Variants in POLK observed in about 807,000 individuals in gnomAD.
POLK encodes the protein DNA polymerase kappa.
POLK carries 76 observed loss-of-function variants against 94.0 expected under a neutral mutation model. That is an observed-to-expected ratio of 0.81 (90% confidence interval 0.67 to 0.98). The LOEUF (loss-of-function observed/expected upper bound fraction) is 0.98. Among genes scored for constraint, POLK ranks in the 50% least tolerant of loss-of-function variants. The pLI is 0.00. For missense variants in POLK, 954 were observed against 1,010.1 expected (o/e 0.94, Z 0.75); for synonymous variants, 349 against 325.4 (o/e 1.07, Z -0.78).
intron 13 of POLK, 34 bp from the exon 14 acceptor site, chr5:75,597,713 A>G (rs1773166418): frequency 4.8e-6 from 6 of 1,250,330 alleles, no homozygotes; most frequent in Non-Finnish European, 6.6e-6. Context: ...CATATTATTC[A>G]TTATGGAATT....
chr5:75,522,269 A>G (rs1006116504), intron 1 of POLK, among the ~76,000 whole-genome samples: 1 of 152,122 alleles, frequency 6.6e-6, no homozygotes, highest in South Asian at 2.1e-4. Context: ...GGTTGTGGGG[A>G]GGGGTGTCAT....
At chr5:75,567,668 CT>C (rs1484973389) in intron 3 of POLK, among the ~76,000 whole-genome samples, 1 of 152,182 alleles carries the variant, frequency 6.6e-6, no homozygotes, top group Non-Finnish European at 1.5e-5. Context: ...AATTTAGTAT[CT>C]AATACAGTAA....
upstream of POLK, chr5:75,511,723 A>T: frequency 6.5e-7 from 1 of 1,544,758 alleles, no homozygotes; most frequent in South Asian, 1.2e-5. Flanking sequence ...CTGACGCGAC[A>T]CGCCGAGCCT....
At chr5:75,575,041 C>A (rs901732638) in intron 5 of POLK, among the ~76,000 whole-genome samples, 6 of 152,196 alleles carry the variant, frequency 3.9e-5, no homozygotes, top group African/African-American at 1.4e-4. Context: ...AGTCAGAGAA[C>A]TCTTCAAATT....
intron 1 of POLK, among the ~76,000 whole-genome samples, chr5:75,531,003 T>C (rs1263897953): frequency 4.6e-5 from 7 of 151,714 alleles, no homozygotes; most frequent in African/African-American, 1.5e-4. Context: ...GAGACGGAGT[T>C]TCACCGTGTT....
chr5:75,555,907 A>G (rs919822742), intron 3 of POLK, among the ~76,000 whole-genome samples: 1 of 152,160 alleles, frequency 6.6e-6, no homozygotes, highest in African/African-American at 2.4e-5. Context: ...CCATTTACCT[A>G]CTAAAGTTTA....
At chr5:75,545,212 C>A (rs1297881362) in intron 1 of POLK, among the ~76,000 whole-genome samples, 1 of 152,098 alleles carries the variant, frequency 6.6e-6, no homozygotes, top group Non-Finnish European at 1.5e-5. Context: ...TTGCTGGTGC[C>A]AAAAACAGAA....
intron 6 of POLK, chr5:75,580,704 A>C: frequency 5.8e-6 from 1 of 171,638 alleles, no homozygotes; most frequent in Non-Finnish European, 1.2e-5. Context: ...AGATTATTTT[A>C]ACATCTAAAA....
chr5:75,545,097 G>A (rs184614676), intron 1 of POLK, among the ~76,000 whole-genome samples: 1 of 152,298 alleles, frequency 6.6e-6, no homozygotes, highest in Admixed American at 6.5e-5. Context: ...TGGGCCTAAT[G>A]TGCAGCAAAG....
At chr5:75,595,350 G>A (rs911059187) in intron 12 of POLK, among the ~76,000 whole-genome samples, 2 of 150,732 alleles carry the variant, frequency 1.3e-5, no homozygotes, top group African/African-American at 2.5e-5. Flanking sequence ...CCTTCGGTAC[G>A]TGAATGGATA....
intron 8 of POLK, among the ~76,000 whole-genome samples, chr5:75,584,511 A>C (rs1772360086): frequency 6.6e-6 from 1 of 152,086 alleles, no homozygotes; most frequent in African/African-American, 2.4e-5. Context: ...TCTACTAAAA[A>C]TACAAAATTA....
exon 15 of POLK, chr5:75,600,519 A>G (rs1361639725): frequency 6.6e-6 from 1 of 152,234 alleles, no homozygotes; most frequent in African/African-American, 2.4e-5. Flanking sequence ...ATGCCTTGGG[A>G]AAACTAATGA....
At chr5:75,522,682 C>T (rs941932004) in intron 1 of POLK, among the ~76,000 whole-genome samples, 1 of 151,880 alleles carries the variant, frequency 6.6e-6, no homozygotes, top group African/African-American at 2.4e-5. Context: ...TTATTTTTAG[C>T]ATATCTCCTA....
intron 1 of POLK, among the ~76,000 whole-genome samples, chr5:75,519,675 T>A (rs1353470680): frequency 6.6e-6 from 1 of 152,234 alleles, no homozygotes; most frequent in African/African-American, 2.4e-5. Flanking sequence ...AGTCGTATTT[T>A]ATCTGATATG....
intron 1 of POLK, among the ~76,000 whole-genome samples, chr5:75,522,969 A>C (rs986106333): frequency 1.3e-5 from 2 of 152,196 alleles, no homozygotes; most frequent in Admixed American, 6.5e-5. Context: ...GATAAAAGAC[A>C]CTGGTGGTAT....
At chr5:75,594,679 A>G (rs560291017) in intron 12 of POLK, among the ~76,000 whole-genome samples, 3 of 152,342 alleles carry the variant, frequency 2.0e-5, no homozygotes, top group African/African-American at 7.2e-5. Context: ...AAGACTGATG[A>G]CATTAATTTA....
At chr5:75,569,199 G>T in intron 3 of POLK, 141 bp from the exon 4 acceptor site, 1 of 600,530 alleles carries the variant, frequency 1.7e-6, no homozygotes, top group Non-Finnish European at 2.9e-6. Context: ...ATGGGTGGAT[G>T]GATGAATGGA....
At chr5:75,583,391 TTCA>T (rs1252424978) in exon 8 of POLK, 1 of 1,603,082 alleles carries the variant, frequency 6.2e-7, no homozygotes, top group South Asian at 1.1e-5. Flanking sequence ...TGTGATGGAC[TTCA>T]TCAAGGATTT....
chr5:75,522,153 C>G (rs1768619340), intron 1 of POLK, among the ~76,000 whole-genome samples: 1 of 152,218 alleles, frequency 6.6e-6, no homozygotes, highest in Non-Finnish European at 1.5e-5. Flanking sequence ...GGTCTTCTGT[C>G]AGGACCCCAA....
Sources: gnomAD v4.1 joint callset for allele counts (sites outside exome capture counted in the v4.1 genomes callset) on GRCh38, gnomAD v4.1.1 for gene constraint, MANE v1.5 for transcripts, NCBI Gene and HGNC (gene_info 2026-07-23, HGNC 2026-07-21) for gene names.